The following MTRF1 variants were observed in gnomAD, a reference collection of about 807,000 sequenced individuals.
MTRF1 encodes peptide chain release factor 1, mitochondrial.
A neutral mutation model predicts 62.9 loss-of-function variants in MTRF1; 51 were observed. That is an observed-to-expected ratio of 0.81 (90% CI 0.65 to 1.02). The LOEUF (loss-of-function observed/expected upper bound fraction) is 1.02. Among genes scored for constraint, MTRF1 ranks in the 50% least tolerant of loss-of-function variants. The pLI is 0.00. For missense variants in MTRF1, 446 were observed against 530.0 expected (o/e 0.84, Z 1.56); for synonymous variants, 158 against 181.9 (o/e 0.87, Z 1.06).
intron 7 of MTRF1, among the ~76,000 whole-genome samples, chr13:41,231,872 G>A (rs2138817463): frequency 8.6e-6 from 1 of 116,080 alleles, no homozygotes; most frequent in Non-Finnish European, 1.7e-5. Context: ...GAAACCTGGT[G>A]TCTACCAAAA....
intron 7 of MTRF1, among the ~76,000 whole-genome samples, chr13:41,233,290 A>C (rs1391562124): frequency 2.0e-5 from 3 of 152,168 alleles, no homozygotes; most frequent in Admixed American, 6.5e-5. Context: ...GAGTAGAGGA[A>C]GTAGGAAGAG....
the MTRF1 span, among the ~76,000 whole-genome samples, chr13:41,284,633 A>C: frequency 6.6e-6 from 1 of 152,004 alleles, no homozygotes. Context: ...CTCTAAATTA[A>C]TTAATTAATT....
At chr13:41,273,835 CT>C in the MTRF1 span, among the ~76,000 whole-genome samples, 1 of 152,090 alleles carries the variant, frequency 6.6e-6, no homozygotes, top group African/African-American at 2.4e-5. Flanking sequence ...GAAACTCCGT[CT>C]CAACAACAAC....
chr13:41,263,283 A>T, intron 1 of MTRF1: 3 of 1,289,416 alleles, frequency 2.3e-6, no homozygotes, highest in Non-Finnish European at 3.0e-6. Context: ...ACCTGAGAAC[A>T]GCACGACTTC....
chr13:41,293,512 A>C, the MTRF1 span, among the ~76,000 whole-genome samples: 2 of 152,220 alleles, frequency 1.3e-5, no homozygotes, highest in African/African-American at 4.8e-5. Context: ...TCAGCCTAAA[A>C]CAGAATGATC....
chr13:41,265,790 G>T (rs578230886), upstream of MTRF1, among the ~76,000 whole-genome samples: 158 of 152,220 alleles, frequency 1.0e-3, no homozygotes, highest in Non-Finnish European at 2.0e-3. Context: ...TCCCAATCTC[G>T]CAAGAGGCTA....
intron 4 of MTRF1, 84 bp downstream of exon 4, chr13:41,252,865 T>C: frequency 7.3e-7 from 1 of 1,365,908 alleles, no homozygotes; most frequent in Non-Finnish European, 1.0e-6. Flanking sequence ...ATACATTTAA[T>C]GGACTTTTAA....
At chr13:41,302,978 C>T in the MTRF1 span, among the ~76,000 whole-genome samples, 871 of 152,174 alleles carry the variant, frequency 5.7e-3, 11 homozygotes, top group African/African-American at 0.02. Flanking sequence ...GTAGGTGGAA[C>T]CTGTAATTCC....
chr13:41,264,700 T>C (rs1163085187), upstream of MTRF1, among the ~76,000 whole-genome samples: 2 of 152,212 alleles, frequency 1.3e-5, no homozygotes, highest in Non-Finnish European at 2.9e-5. Context: ...TTTTACAACC[T>C]TAAAATACTT....
chr13:41,265,402 CA>C (rs2040815084), upstream of MTRF1, among the ~76,000 whole-genome samples: 2 of 148,010 alleles, frequency 1.4e-5, no homozygotes, highest in Non-Finnish European at 1.5e-5. Flanking sequence ...GCCTGGGCAA[CA>C]AGAGTGAAAC....
chr13:41,279,523 A>G, the MTRF1 span, among the ~76,000 whole-genome samples: 1 of 152,186 alleles, frequency 6.6e-6, no homozygotes. Context: ...CCTGAGGACT[A>G]AGCTCTGATT....
At chr13:41,266,983 C>T (rs1287525421), upstream of MTRF1, among the ~76,000 whole-genome samples, 1 of 121,688 alleles carries the variant, frequency 8.2e-6, no homozygotes, top group Admixed American at 1.1e-4. Context: ...GCCAACAGAG[C>T]GAGACTCTGT....
the MTRF1 span, among the ~76,000 whole-genome samples, chr13:41,306,587 G>A: frequency 6.6e-6 from 1 of 152,166 alleles, no homozygotes; most frequent in African/African-American, 2.4e-5. Context: ...GCACGTATAT[G>A]GGGTGGAGAA....
chr13:41,261,193 G>A, intron 1 of MTRF1: 1 of 236,708 alleles, frequency 4.2e-6, no homozygotes, highest in Non-Finnish European at 8.4e-6. Context: ...AATTATCCGG[G>A]CGTGGTGGCA....
In MTRF1 at chr13:41,235,415, G is replaced by C. The variant is rs552557455; in HGVS notation, c.871-1408C>G. ...AAATCAACTTCATTCGTGCATGTGTGTGTTTATTAGTGATTGAAAGGTGGC... is the reference window on the plus strand; with the variant it reads ...AAATCAACTTCATTCGTGCATGTGTCTGTTTATTAGTGATTGAAAGGTGGC... On this transcript the variant is annotated intron_variant, in intron 6 of 9. Transcript: ENST00000379480. The C allele has an allele frequency of 6.6e-5, 10 of 152,316 alleles. No homozygotes were observed. The East Asian group carries it at 1.7e-3, about 26-fold the overall frequency. 9.4% of individuals were successfully genotyped at this position (152,316 alleles called of 1,614,324 possible). A position where few individuals can be genotyped will look rare whatever the true frequency, so the allele number is the denominator to read the frequency against.
the MTRF1 span, among the ~76,000 whole-genome samples, chr13:41,296,518 A>T: frequency 1.3e-5 from 2 of 152,240 alleles, no homozygotes; most frequent in Non-Finnish European, 2.9e-5. Flanking sequence ...CAAAGAATGT[A>T]TCTCTCATTT....
the MTRF1 span, among the ~76,000 whole-genome samples, chr13:41,272,339 A>C: frequency 6.6e-6 from 1 of 152,238 alleles, no homozygotes; most frequent in East Asian, 1.9e-4. Context: ...AAAGTAAATG[A>C]AAGAACATTG....
the MTRF1 span, among the ~76,000 whole-genome samples, chr13:41,306,383 C>CA: frequency 0.016 from 1,721 of 110,964 alleles, 25 homozygotes; most frequent in African/African-American, 0.044. Context: ...GACTCCGTCT[C>CA]AAAAAAAAAA....
the MTRF1 span, among the ~76,000 whole-genome samples, chr13:41,273,092 C>T: frequency 3.0e-4 from 46 of 152,006 alleles, no homozygotes; most frequent in East Asian, 7.8e-4. Flanking sequence ...TTTGGGAGGC[C>T]GAGGCGGGTG....
Sources: gnomAD v4.1 joint callset for allele counts (sites outside exome capture counted in the v4.1 genomes callset) on GRCh38, gnomAD v4.1.1 for gene constraint, MANE v1.5 for transcripts, NCBI Gene and HGNC (gene_info 2026-07-23, HGNC 2026-07-21) for gene names.